The following UNC45B variants were observed in gnomAD, a reference collection of about 807,000 sequenced individuals.
UNC45B encodes the protein unc-45 myosin chaperone B.
In UNC45B, 78 loss-of-function variants were observed where a neutral mutation model predicts 98.7. That is an observed-to-expected ratio of 0.79 (90% CI 0.66 to 0.95). The LOEUF (loss-of-function observed/expected upper bound fraction) is 0.95. Ranked by LOEUF, UNC45B falls within the 40% of genes least tolerant of loss-of-function variation. The pLI is 0.00. For missense variants in UNC45B, 1,225 were observed against 1,184.9 expected (o/e 1.03, Z -0.50); for synonymous variants, 462 against 480.4 (o/e 0.96, Z 0.50).
At chr17:35,160,881 C>T (rs1471965270) in intron 8 of UNC45B, among the ~76,000 whole-genome samples, 5 of 152,196 alleles carry the variant, frequency 3.3e-5, no homozygotes, top group African/African-American at 1.2e-4. Flanking sequence ...TAAATTCTTC[C>T]GTAGGTTTTA....
At chr17:35,177,846 T>C (rs899195996) in intron 17 of UNC45B, among the ~76,000 whole-genome samples, 3 of 150,948 alleles carry the variant, frequency 2.0e-5, no homozygotes, top group African/African-American at 7.3e-5. Flanking sequence ...TTTTGTCTTT[T>C]CTTTTCTCTT....
At chr17:35,157,145 T>G (rs916883570) in intron 7 of UNC45B, among the ~76,000 whole-genome samples, 1 of 152,164 alleles carries the variant, frequency 6.6e-6, no homozygotes, top group Non-Finnish European at 1.5e-5. Context: ...TATTGGAGAT[T>G]CCAGTTATTT....
chr17:35,178,566 G>A (rs1435132995), intron 17 of UNC45B, among the ~76,000 whole-genome samples: 1 of 152,036 alleles, frequency 6.6e-6, no homozygotes, highest in Non-Finnish European at 1.5e-5. Flanking sequence ...GTCAATTTTG[G>A]CTTTTGTTGC....
At chr17:35,174,077 C>T (rs1277132253) in intron 13 of UNC45B, among the ~76,000 whole-genome samples, 165 bp from the exon 14 acceptor site, 1 of 152,144 alleles carries the variant, frequency 6.6e-6, no homozygotes, top group Non-Finnish European at 1.5e-5. Flanking sequence ...TCCCAAAGTG[C>T]TGGGATTACA....
Position 35,159,480 on chromosome 17 carries a change from A to G in UNC45B, c.914A>G (p.Lys305Arg). ...GATCAGGCGCTGAACCTGCTCAATA[A>G]GAATGTTCCCAGGAAGGACCTTGCC... is the stretch of plus-strand genomic sequence containing the variant. ...GRDQALNLLN[K>R]NVPRKDLAIH... Residue 305 changes from lysine to arginine, a missense_variant, in exon 8 of 20, where the codon AAG (lysine) becomes AGG (arginine). Physicochemically the swap from Lys to Arg is conservative, Grantham distance 26. Coordinates refer to ENST00000394570, the MANE Select transcript of UNC45B (RefSeq NM_001267052.2). The G allele has an allele frequency of 6.2e-7, 1 of 1,614,172 alleles. No homozygotes were observed. Among genetic ancestry groups the G allele is most frequent in the South Asian group, 1.1e-5 (1 of 91,078 alleles).
At chr17:35,148,899 G>A (rs2091995960) in intron 2 of UNC45B, 74 bp from the exon 3 acceptor site, 4 of 1,591,100 alleles carry the variant, frequency 2.5e-6, no homozygotes, top group Admixed American at 1.7e-5. Context: ...TCCCCACACT[G>A]TGGGGACACT....
At chr17:35,150,422 C>T (rs2092009120) in intron 4 of UNC45B, among the ~76,000 whole-genome samples, 199 bp downstream of exon 4, 1 of 152,170 alleles carries the variant, frequency 6.6e-6, no homozygotes, top group Admixed American at 6.5e-5. Context: ...TTTGAGGGCA[C>T]AAGCCAGCCA....
intron 8 of UNC45B, among the ~76,000 whole-genome samples, chr17:35,163,164 G>A (rs1313163458): frequency 6.6e-6 from 1 of 152,224 alleles, no homozygotes; most frequent in Admixed American, 6.5e-5. Context: ...AAGTGAATGT[G>A]TATAAAGCTC....
intron 14 of UNC45B, 37 bp downstream of exon 14, chr17:35,174,406 T>TG (rs759260617): frequency 1.6e-4 from 261 of 1,613,128 alleles, no homozygotes; most frequent in Admixed American, 4.5e-4. Flanking sequence ...GAACTAGGGC[T>TG]GGGGGCCGAG....
At chr17:35,158,712 G>A (rs1303950398) in intron 7 of UNC45B, among the ~76,000 whole-genome samples, 3 of 152,168 alleles carry the variant, frequency 2.0e-5, no homozygotes, top group South Asian at 2.1e-4. Context: ...GTCTGAAGAC[G>A]AACTGTCACA....
rs2091989259 is a variant in UNC45B at position 35,148,309 on chromosome 17, C to A, written c.46C>A (p.His16Asn). ...AVQLKEEGNR[H>N]FQLQDYKAAT... ...ACAGCTGAAGGAGGAAGGAAACCGG[C>A]ATTTCCAGCTCCAGGACTACAAGGC... Residue 16 changes from histidine to asparagine, a missense_variant, in exon 2 of 20, where the codon CAT (histidine) becomes AAT (asparagine). Physicochemically the swap from His to Asn is moderately conservative, Grantham distance 68. Transcript: ENST00000394570. 1.2e-6 allele frequency: 2 copies of A among 1,614,032 alleles called. No homozygotes were observed. The highest frequency in any genetic ancestry group is 2.7e-5 in the African/African-American group (2 of 74,940).
At chr17:35,147,983 T>C in intron 1 of UNC45B, 73 bp downstream of exon 1, 1 of 437,098 alleles carries the variant, frequency 2.3e-6, no homozygotes, top group South Asian at 2.7e-5. Flanking sequence ...CAATGAGAGT[T>C]CAGGCCTTTG....
In UNC45B at chr17:35,177,120, C is replaced by A; in HGVS notation, c.2129C>A (p.Pro710His). ...GTCTCCAATCCGGACATTGCTTTTC[C>A]TGGGGAGCGGGTAGGTGCTTGGGTA... ...AAVSNPDIAF[P>H]GERVYEVVRP... is the part of the protein sequence containing the mutation. The change falls in exon 16 of 20, where the codon CCT (proline) becomes CAT (histidine). Residue 710 changes from proline to histidine, a missense_variant. Physicochemically the swap from Pro to His is moderately conservative, Grantham distance 77. Transcript: ENST00000394570. 1 of 1,614,062 alleles carries A rather than the reference C, an allele frequency of 6.2e-7. No homozygotes were observed. Among genetic ancestry groups the A allele is most frequent in the Non-Finnish European group, 8.5e-7 (1 of 1,179,976 alleles).
chr17:35,169,786 G>A lies in UNC45B; in HGVS notation c.1453-51G>A, dbSNP rs1408079371. The A allele has an allele frequency of 3.9e-6, 6 of 1,545,496 alleles. No individual in the cohort carries two copies. The Admixed American group carries it at 6.7e-5, about 17-fold the overall frequency. ...TGTTTGAGCAAGGCTTCATCCCCAA[G>A]CCTTGGTGTCTCTGATCCTGCATGT... On this transcript the variant is annotated intron_variant, in intron 10 of 19. Coordinates refer to ENST00000394570, the MANE Select transcript of UNC45B (RefSeq NM_001267052.2).
chr17:35,161,832 G>A (rs2092104607), intron 8 of UNC45B, among the ~76,000 whole-genome samples: 1 of 152,052 alleles, frequency 6.6e-6, no homozygotes, highest in Admixed American at 6.5e-5. Context: ...CTCCAGGAAG[G>A]GGAGAGGGGC....
At chr17:35,149,896 G>C in intron 3 of UNC45B, 152 bp from the exon 4 acceptor site, 1 of 713,776 alleles carries the variant, frequency 1.4e-6, no homozygotes, top group South Asian at 2.8e-5. Context: ...CTAACAAAGG[G>C]GAGGTAAGGG....
intron 7 of UNC45B, among the ~76,000 whole-genome samples, chr17:35,157,768 G>T (rs2092074025): frequency 6.6e-6 from 1 of 152,106 alleles, no homozygotes; most frequent in African/African-American, 2.4e-5. Flanking sequence ...TCATCAGATT[G>T]ATCATTTTTC....
At chr17:35,166,086 T>TA (rs55844448) in intron 9 of UNC45B, among the ~76,000 whole-genome samples, 5,663 of 58,138 alleles carry the variant, frequency 0.097, 378 homozygotes, top group Non-Finnish European at 0.12. Context: ...CCCTCATCTC[T>TA]AAAAAAAAAA....
rs1310791163 is a variant in UNC45B at position 35,180,651 on chromosome 17, T to C, written c.2348T>C (p.Met783Thr). 1.2e-6 allele frequency: 2 copies of C among 1,612,644 alleles called. No individual in the cohort carries two copies. Among genetic ancestry groups the C allele is most frequent in the Admixed American group, 1.7e-5 (1 of 59,914 alleles). ...CTGCGGCAGGCGGCCACCGAGTGCATGTGCAACATGGTGCTCCACAAGGAG... is the reference window on the plus strand; with the variant it reads ...CTGCGGCAGGCGGCCACCGAGTGCACGTGCAACATGGTGCTCCACAAGGAG... ...DQLRQAATEC[M>T]CNMVLHKEVQ... Residue 783 changes from methionine (M) to threonine (T), a missense_variant, in exon 18 of 20, where the codon ATG (methionine) becomes ACG (threonine). Coordinates refer to ENST00000394570, the MANE Select transcript of UNC45B (RefSeq NM_001267052.2).
Sources: allele counts gnomAD v4.1 joint callset (sites outside exome capture counted in the v4.1 genomes callset), GRCh38; gene constraint gnomAD v4.1.1; transcripts MANE v1.5; gene names NCBI Gene and HGNC (gene_info 2026-07-23, HGNC 2026-07-21).